The following PYHIN1 variants were observed in gnomAD, a reference collection of about 807,000 sequenced individuals.
PYHIN1 encodes the protein pyrin and HIN domain-containing protein 1.
PYHIN1 carries 32 observed loss-of-function variants against 43.7 expected under a neutral mutation model. The observed-to-expected ratio is 0.73, with a 90% CI of 0.55 to 0.98. The LOEUF is 0.98. Ranked by LOEUF, PYHIN1 falls within the 50% of genes least tolerant of loss-of-function variation. PYHIN1 has a pLI of 0.00. For missense variants in PYHIN1, 588 were observed against 589.5 expected, an observed-to-expected ratio of 1.00 and a Z score of 0.03; for synonymous variants, 205 against 203.1, an observed-to-expected ratio of 1.01 and a Z score of -0.08.
At chr1:158,980,343 T>C (rs562838042), downstream of PYHIN1, among the ~76,000 whole-genome samples, 1 of 152,182 alleles carries the variant, frequency 6.6e-6, no homozygotes, top group South Asian at 2.1e-4. Flanking sequence ...AAGAACAGAA[T>C]AGTAGCGATT....
intron 7 of PYHIN1, among the ~76,000 whole-genome samples, chr1:158,953,072 TTA>T (rs1466803678): frequency 6.6e-6 from 1 of 152,142 alleles, no homozygotes; most frequent in African/African-American, 2.4e-5. Context: ...CACCAGGAGA[TTA>T]TATCCTGCAC....
intron 5 of PYHIN1, 71 bp from the exon 6 acceptor site, chr1:158,943,719 C>T: frequency 8.6e-7 from 1 of 1,164,864 alleles, no homozygotes; most frequent in Non-Finnish European, 1.2e-6. Context: ...TTTAATCTGT[C>T]ACAAGAGACT....
Position 158,943,913 on chromosome 1 carries a change from T to G in PYHIN1, c.1126T>G (p.Cys376Gly), listed in dbSNP as rs764529524. 2 of 1,608,096 alleles carry G rather than the reference T, an allele frequency of 1.2e-6. No individual in the cohort carries two copies. The highest frequency in any genetic ancestry group is 2.2e-5 in the South Asian group (2 of 90,390). The change falls in exon 6 of 9, where the codon TGC becomes GGC. Residue 376 changes from cysteine to glycine, a missense_variant. Transcript: ENST00000368140. The part of the protein sequence containing the change: ...CEKGDKLRLF[C>G]FRLRKRENMS... ...AAAAGGAGATAAGCTTCGACTCTTCTGCTTTCGACTGAGAAAGAGGGAAAA... is the reference window on the plus strand; with the variant it reads ...AAAAGGAGATAAGCTTCGACTCTTCGGCTTTCGACTGAGAAAGAGGGAAAA...
At chr1:158,986,676 A>T in the PYHIN1 span, among the ~76,000 whole-genome samples, 1 of 152,192 alleles carries the variant, frequency 6.6e-6, no homozygotes, top group African/African-American at 2.4e-5. Context: ...TTGAGCAGAT[A>T]GTTCATTTCT....
intron 1 of PYHIN1, among the ~76,000 whole-genome samples, 152 bp downstream of exon 1, chr1:158,931,928 A>G (rs1456879145): frequency 6.6e-6 from 1 of 152,224 alleles, no homozygotes; most frequent in Non-Finnish European, 1.5e-5. Context: ...TGAAAACTGC[A>G]GTTAATACTT....
intron 1 of PYHIN1, among the ~76,000 whole-genome samples, chr1:158,932,155 T>C (rs1032695846): frequency 2.6e-5 from 4 of 152,168 alleles, no homozygotes; most frequent in African/African-American, 9.7e-5. Flanking sequence ...CCACGCTGTA[T>C]ATGCATAACA....
chr1:158,935,924 A>G (rs1648508202), intron 1 of PYHIN1, among the ~76,000 whole-genome samples: 2 of 152,104 alleles, frequency 1.3e-5, no homozygotes, highest in South Asian at 2.1e-4. Flanking sequence ...CCTGGACCCA[A>G]TTCAACTATC....
intron 7 of PYHIN1, among the ~76,000 whole-genome samples, chr1:158,966,537 C>T (rs1235964707): frequency 6.6e-6 from 1 of 152,070 alleles, no homozygotes. Flanking sequence ...ATCAAGTAGG[C>T]TTTATCTCTG....
At position 158,933,715 on chromosome 1, in the gene PYHIN1, T is replaced by C. The variant is rs1397837272; in HGVS notation, c.-21+1939T>C. On this transcript the variant is annotated intron_variant, in intron 1 of 8. Transcript: ENST00000368140. The surrounding 1 kb of genome is among the most constrained non-coding windows in gnomAD (Gnocchi z 6.3). ...CTTGTCTGTTTTTAAAACTTATATT[T>C]CCATCTCACCCTTTAAGACAATTAC... is the stretch of plus-strand genomic sequence containing the variant. 1.3e-5 allele frequency among the ~76,000 whole-genome samples: 2 copies of C among 152,090 alleles called. No individual in the cohort carries two copies. The highest frequency in any genetic ancestry group is 2.9e-5 in the Non-Finnish European group (2 of 67,980).
At chr1:158,948,309 T>A (rs986033906) in intron 7 of PYHIN1, among the ~76,000 whole-genome samples, 1 of 152,134 alleles carries the variant, frequency 6.6e-6, no homozygotes, top group Non-Finnish European at 1.5e-5. Context: ...GGTGTGTGGA[T>A]CTATAGTGTG....
intron 2 of PYHIN1, among the ~76,000 whole-genome samples, 178 bp downstream of exon 2, chr1:158,937,353 A>G (rs547570310): frequency 3.3e-5 from 5 of 152,306 alleles, no homozygotes; most frequent in African/African-American, 9.6e-5. Flanking sequence ...TTCCATTACT[A>G]AAGTGGATTG....
the PYHIN1 span, among the ~76,000 whole-genome samples, chr1:158,983,544 A>ATT: frequency 3.2e-4 from 48 of 151,104 alleles, no homozygotes; most frequent in African/African-American, 9.9e-4. Flanking sequence ...GTTTGCTAGT[A>ATT]TTTTTTTTTG....
the PYHIN1 span, among the ~76,000 whole-genome samples, chr1:158,986,056 AT>A: frequency 6.6e-6 from 1 of 152,068 alleles, no homozygotes; most frequent in Non-Finnish European, 1.5e-5. Flanking sequence ...CTTTTGTATT[AT>A]TTTATTGGAT....
chr1:158,941,784 T>C (rs1304291718), intron 4 of PYHIN1, among the ~76,000 whole-genome samples, 193 bp from the exon 5 acceptor site: 1 of 152,222 alleles, frequency 6.6e-6, no homozygotes, highest in Non-Finnish European at 1.5e-5. Flanking sequence ...TCTTTTACTA[T>C]GTGGTCTCCT....
chr1:158,968,855 G>T (rs1484354958), intron 7 of PYHIN1, among the ~76,000 whole-genome samples: 2 of 148,724 alleles, frequency 1.3e-5, no homozygotes, highest in Non-Finnish European at 2.9e-5. Context: ...GAGAACACAC[G>T]GACCCAAAGA....
chr1:158,962,798 G>A (rs1430166290), intron 7 of PYHIN1, among the ~76,000 whole-genome samples: 1 of 152,126 alleles, frequency 6.6e-6, no homozygotes, highest in African/African-American at 2.4e-5. Flanking sequence ...CTGCAAAACA[G>A]CTGCCCCACC....
chr1:158,981,014 C>T (rs899724573), downstream of PYHIN1, among the ~76,000 whole-genome samples: 6 of 152,092 alleles, frequency 3.9e-5, no homozygotes, highest in Non-Finnish European at 5.9e-5. Context: ...CTTTATTTCT[C>T]AGCTGGCTGA....
intron 7 of PYHIN1, among the ~76,000 whole-genome samples, chr1:158,963,729 T>G (rs1454725103): frequency 6.6e-6 from 1 of 152,208 alleles, no homozygotes; most frequent in Non-Finnish European, 1.5e-5. Flanking sequence ...ATTAAAACCC[T>G]GCACAAAGCC....
the PYHIN1 span, among the ~76,000 whole-genome samples, chr1:158,986,762 T>C: frequency 6.6e-6 from 1 of 152,164 alleles, no homozygotes; most frequent in African/African-American, 2.4e-5. Context: ...GGCGTCCATG[T>C]CCATGCTCCA....
Sources: allele counts gnomAD v4.1 joint callset (sites outside exome capture counted in the v4.1 genomes callset), GRCh38; gene constraint gnomAD v4.1.1; non-coding constraint Gnocchi (gnomAD v3.1); transcripts MANE v1.5; gene names NCBI Gene and HGNC (gene_info 2026-07-23, HGNC 2026-07-21).